LSM8: variants seen among roughly 807,000 people sequenced by gnomAD.
LSM8 encodes the protein LSM8 homolog, U6 small nuclear RNA associated, also known as LSM8 U6 small nuclear RNA associated.
A neutral mutation model predicts 15.0 loss-of-function variants in LSM8; 14 were observed. The observed-to-expected ratio is 0.93, with a 90% CI of 0.62 to 1.46. The LOEUF is 1.46. LSM8 is among the 40% of genes most tolerant of loss of function. The pLI is 0.00. For missense variants in LSM8, 90 were observed against 115.4 expected, an observed-to-expected ratio of 0.78 and a Z score of 1.01; for synonymous variants, 50 against 42.1, an observed-to-expected ratio of 1.19 and a Z score of -0.73.
rs778654152 is a variant in LSM8 at position 118,192,033 on chromosome 7, T to A, written c.*31T>A. On this transcript the variant is annotated 3_prime_UTR_variant, in exon 4 of 4. Transcript: ENST00000249299. ...AACTACATACTTGGACATCTGTAAA[T>A]CTTTGTACAGAAACTGATTATTCTG... 1.5e-5 allele frequency: 23 copies of A among 1,506,930 alleles called. No homozygotes were observed. The East Asian group carries it at 4.8e-4, about 31-fold the overall frequency. 93.3% of individuals were successfully genotyped at this position (1,506,930 alleles called of 1,614,324 possible). A position where few individuals can be genotyped will look rare whatever the true frequency, so the allele number is the denominator to read the frequency against.
rs1247171848 is a variant in LSM8 at position 118,199,761 on chromosome 7, GC to G, written c.*7761del. 6.6e-6 allele frequency among the ~76,000 whole-genome samples: 1 copy of G among 152,000 alleles called. No homozygotes were observed. Among genetic ancestry groups the G allele is most frequent in the Non-Finnish European group, 1.5e-5 (1 of 67,982 alleles). On this transcript the variant is annotated 3_prime_UTR_variant, in exon 4 of 4. Coordinates refer to ENST00000249299, the MANE Select transcript of LSM8 (RefSeq NM_016200.5). ...TTGAGAAATTCAAGTGTAGGGTAAG[GC>G]CACCTCCCCAGCAAGTAAATACTGA...
rs1374867195 is a variant in LSM8 at position 118,202,785 on chromosome 7, G to A, written c.*10783G>A. On this transcript the variant is annotated 3_prime_UTR_variant, in exon 4 of 4. Coordinates refer to ENST00000249299, the MANE Select transcript of LSM8 (RefSeq NM_016200.5). ...ATGCTGCCATTGTGCTAGTATAGAA[G>A]CAAGTATCTCAGAGGCAGGTGAAAA... 2.0e-5 allele frequency among the ~76,000 whole-genome samples: 3 copies of A among 151,920 alleles called. No individual in the cohort carries two copies. Among genetic ancestry groups the A allele is most frequent in the Non-Finnish European group, 4.4e-5 (3 of 67,910 alleles).
At chr7:118,185,442 C>T (rs1053992606) in intron 1 of LSM8, 7 of 521,848 alleles carry the variant, frequency 1.3e-5, no homozygotes, top group Non-Finnish European at 2.1e-5. Context: ...ATGGGGGTAT[C>T]GCTGTGTTGC....
At chr7:118,185,804 C>A in intron 2 of LSM8, 110 bp downstream of exon 2, 2 of 912,246 alleles carry the variant, frequency 2.2e-6, no homozygotes, top group South Asian at 1.6e-5. Flanking sequence ...ACCCGTAGTG[C>A]AATTTTATTA....
intron 1 of LSM8, chr7:118,185,291 A>C (rs576867286): frequency 3.8e-5 from 7 of 183,150 alleles, no homozygotes; most frequent in Non-Finnish European, 6.5e-5. Flanking sequence ...CGAGGGTCTC[A>C]CTCTGTTGCC....
chr7:118,189,896 G>A (rs1808950575), intron 3 of LSM8: 1 of 152,072 alleles, frequency 6.6e-6, no homozygotes, highest in Admixed American at 6.6e-5. Flanking sequence ...TGTGACAGAG[G>A]AACTGAATTT....
chr7:118,194,461 G>T lies in LSM8; in HGVS notation c.*2459G>T, dbSNP rs1014147124. Among the ~76,000 whole-genome samples, 1 of 150,890 alleles carries T rather than the reference G, an allele frequency of 6.6e-6. No homozygotes were observed. The highest frequency in any genetic ancestry group is 1.5e-5 in the Non-Finnish European group (1 of 67,702). On this transcript the variant is annotated 3_prime_UTR_variant, in exon 4 of 4. Transcript: ENST00000249299. ...CTTTGGTAACTTGGCCTCACATGCTGACAGTTTTGGCTAAATATTACAAAT... is the reference window on the plus strand; with the variant it reads ...CTTTGGTAACTTGGCCTCACATGCTTACAGTTTTGGCTAAATATTACAAAT...
At chr7:118,184,580 A>G (rs1381983094) in intron 1 of LSM8, 3 of 241,894 alleles carry the variant, frequency 1.2e-5, no homozygotes, top group Non-Finnish European at 2.4e-5. Flanking sequence ...TGTGAATAAG[A>G]TGAACAGTCG....
intron 2 of LSM8, among the ~76,000 whole-genome samples, chr7:118,186,893 A>G (rs1015387206): frequency 6.6e-6 from 1 of 151,494 alleles, no homozygotes; most frequent in African/African-American, 2.4e-5. Context: ...ATTTTTTTTT[A>G]ATTTGGTGAA....
intron 1 of LSM8, 123 bp downstream of exon 1, chr7:118,184,377 G>A: frequency 1.7e-6 from 2 of 1,187,384 alleles, no homozygotes; most frequent in South Asian, 1.8e-5. Flanking sequence ...GGAGATGAGG[G>A]CCCCGGAACG....
chr7:118,190,942 T>C (rs889362043), intron 3 of LSM8: 1 of 151,968 alleles, frequency 6.6e-6, no homozygotes, highest in East Asian at 1.9e-4. Context: ...CTGTCTCTAC[T>C]AAAAATACAA....
chr7:118,185,122 A>G (rs1186285685), intron 1 of LSM8: 1 of 152,212 alleles, frequency 6.6e-6, no homozygotes, highest in Non-Finnish European at 1.5e-5. Flanking sequence ...CCTAGTAGAA[A>G]AGTGTCAAAA....
In LSM8 at chr7:118,192,235, A is replaced by C. The variant is rs1808995307; in HGVS notation, c.*233A>C. On this transcript the variant is annotated 3_prime_UTR_variant, in exon 4 of 4. Transcript: ENST00000249299. Reference sequence around the variant, plus strand: ...TTTTATTAAATAGTGTGAAAATATAATGGGCATTTTGAAAACTTTTAGAAA... The same window carrying C: ...TTTTATTAAATAGTGTGAAAATATACTGGGCATTTTGAAAACTTTTAGAAA... 2.9e-6 allele frequency: 1 copy of C among 339,694 alleles called. No individual in the cohort carries two copies. The highest frequency in any genetic ancestry group is 5.3e-6 in the Non-Finnish European group (1 of 188,380). 21.0% of individuals were successfully genotyped at this position (339,694 alleles called of 1,614,324 possible).
chr7:118,190,819 AT>A (rs1482788126), intron 3 of LSM8: 4 of 152,098 alleles, frequency 2.6e-5, no homozygotes, highest in African/African-American at 9.7e-5. Context: ...CGTCTTTAGA[AT>A]TTGGCCGGGC....
Position 118,204,030 on chromosome 7 carries a change from A to T in LSM8, c.*12028A>T, listed in dbSNP as rs1157370296. On this transcript the variant is annotated 3_prime_UTR_variant, in exon 4 of 4. Transcript: ENST00000249299. ...CACCTAAAAATAAATTATTTTACAG[A>T]GGCTACTAAGAATGTCCATGTTTTT... is the stretch of plus-strand genomic sequence containing the variant. 6.6e-6 allele frequency among the ~76,000 whole-genome samples: 1 copy of T among 151,806 alleles called. No individual in the cohort carries two copies. Among genetic ancestry groups the T allele is most frequent in the African/African-American group, 2.4e-5 (1 of 41,410 alleles).
chr7:118,189,686 C>G (rs1348357118), intron 3 of LSM8: 1 of 151,962 alleles, frequency 6.6e-6, no homozygotes, highest in African/African-American at 2.4e-5. Flanking sequence ...CATAGTGAAA[C>G]CCCGTCTCTC....
rs920061048 is a variant in LSM8 at position 118,197,588 on chromosome 7, A to T, written c.*5586A>T. 5.3e-5 allele frequency among the ~76,000 whole-genome samples: 8 copies of T among 152,186 alleles called. No homozygotes were observed. Among genetic ancestry groups the T allele is most frequent in the Non-Finnish European group, 1.2e-4 (8 of 68,026 alleles). On this transcript the variant is annotated 3_prime_UTR_variant, in exon 4 of 4. Transcript: ENST00000249299. The stretch of plus-strand genomic sequence containing the variant: ...GATCACAATGATAGTTAAAAGTTAA[A>T]TTTTTTATTTTAAAATTTAAATTTT...
At chr7:118,191,787 A>T (rs1808986356) in intron 3 of LSM8, 125 bp from the exon 4 acceptor site, 1 of 674,442 alleles carries the variant, frequency 1.5e-6, no homozygotes, top group Non-Finnish European at 2.5e-6. Flanking sequence ...AATTCTTTTT[A>T]CTGTGCTCTC....
rs1240196474 is a variant in LSM8, at chr7:118,202,317, G to C, written c.*10315G>C. Among the ~76,000 whole-genome samples the C allele has an allele frequency of 6.6e-6, 1 of 151,928 alleles. No homozygotes were observed. Among genetic ancestry groups the C allele is most frequent in the Non-Finnish European group, 1.5e-5 (1 of 67,924 alleles). On this transcript the variant is annotated 3_prime_UTR_variant, in exon 4 of 4. Transcript: ENST00000249299. ...CTCTGACTGCCAGTGGCTTTAACAG[G>C]CAGGAGGAGTTCATTTATCTCGAGA...
Sources: allele counts gnomAD v4.1 joint callset (sites outside exome capture counted in the v4.1 genomes callset), GRCh38; gene constraint gnomAD v4.1.1; transcripts MANE v1.5; gene names NCBI Gene and HGNC (gene_info 2026-07-23, HGNC 2026-07-21).